The following B4GALNT3 variants were observed in gnomAD, a reference collection of about 807,000 sequenced individuals.
B4GALNT3 encodes the protein beta-1,4-N-acetylgalactosaminyltransferase 3.
B4GALNT3 carries 86 observed loss-of-function variants against 120.2 expected under a neutral mutation model. The observed-to-expected ratio is 0.72, with a 90% CI of 0.60 to 0.86. The LOEUF is 0.86. B4GALNT3 is among the 40% of genes least tolerant of loss of function. B4GALNT3 has a pLI of 0.00. For missense variants in B4GALNT3, 1,167 were observed against 1,298.9 expected, an observed-to-expected ratio of 0.90 and a Z score of 1.56; for synonymous variants, 518 against 510.4, an observed-to-expected ratio of 1.01 and a Z score of -0.20.
intron 3 of B4GALNT3, among the ~76,000 whole-genome samples, chr12:538,219 A>G (rs185366940): frequency 5.6e-4 from 86 of 152,328 alleles, no homozygotes; most frequent in South Asian, 8.3e-4. Context: ...GGCCATATGT[A>G]TAAACATATA....
intron 1 of B4GALNT3, among the ~76,000 whole-genome samples, chr12:503,864 C>T (rs149488502): frequency 1.3e-5 from 2 of 152,270 alleles, no homozygotes; most frequent in Non-Finnish European, 2.9e-5. Flanking sequence ...CCTGTAACCC[C>T]AGCATTTTGG....
intron 15 of B4GALNT3, among the ~76,000 whole-genome samples, chr12:557,150 A>C (rs1005009990): frequency 6.6e-6 from 1 of 152,140 alleles, no homozygotes; most frequent in Non-Finnish European, 1.5e-5. Context: ...ACTGGGGATG[A>C]TCATTGGTCT....
chr12:512,018 C>CGCCTTCCACCTTCTACCTTCT (rs1438861043), intron 1 of B4GALNT3, among the ~76,000 whole-genome samples: 1 of 140,272 alleles, frequency 7.1e-6, no homozygotes, highest in African/African-American at 2.9e-5. Context: ...TTCCACCTTC[C>CGCCTTCCACCTTCTACCTTCT]GCCTTCCACC....
intron 17 of B4GALNT3, 96 bp from the exon 18 acceptor site, chr12:558,412 C>T: frequency 8.3e-7 from 1 of 1,207,294 alleles, no homozygotes; most frequent in Non-Finnish European, 1.2e-6. Context: ...GTGAATCACT[C>T]CAATAGGGAA....
chr12:537,134 T>G (rs6489603), intron 3 of B4GALNT3, among the ~76,000 whole-genome samples: 2,627 of 152,316 alleles, frequency 0.017, 85 homozygotes, highest in African/African-American at 0.06. Flanking sequence ...ATGAAACTAG[T>G]GCTCGAGGAT....
intron 1 of B4GALNT3, among the ~76,000 whole-genome samples, chr12:531,488 T>A (rs978899851): frequency 4.0e-5 from 6 of 149,016 alleles, no homozygotes; most frequent in South Asian, 4.3e-4. Context: ...ATCTCTAAAA[T>A]TTTTTTTTTT....
Position 546,564 on chromosome 12 carries a change from C to G in B4GALNT3, c.640-82C>G. Reference sequence around the variant, plus strand: ...CCTTTTTCTCTCACTTCTTGGTTCTCCTTCCTGGTCTCGCACTCACCGCCT... The same window carrying G: ...CCTTTTTCTCTCACTTCTTGGTTCTGCTTCCTGGTCTCGCACTCACCGCCT... On this transcript the variant is annotated intron_variant, in intron 6 of 19. Transcript: ENST00000266383. The G allele has an allele frequency of 2.4e-6, 3 of 1,271,506 alleles. No homozygotes were observed. The South Asian group carries it at 3.8e-5, about 16-fold the overall frequency. 78.8% of individuals were successfully genotyped at this position (1,271,506 alleles called of 1,614,324 possible).
intron 3 of B4GALNT3, among the ~76,000 whole-genome samples, chr12:543,992 G>A (rs1444822335): frequency 7.3e-6 from 1 of 137,772 alleles, no homozygotes; most frequent in Admixed American, 7.3e-5. Context: ...TGAGGAGCTG[G>A]GGCGGGCATG....
At chr12:518,310 G>A (rs183905900) in intron 1 of B4GALNT3, among the ~76,000 whole-genome samples, 28 of 152,272 alleles carry the variant, frequency 1.8e-4, no homozygotes, top group Admixed American at 1.3e-3. Context: ...TGGTATCCAC[G>A]ACGGATTGAT....
chr12:486,581 C>A (rs1277563760), intron 1 of B4GALNT3, among the ~76,000 whole-genome samples: 2 of 152,156 alleles, frequency 1.3e-5, no homozygotes, highest in Non-Finnish European at 2.9e-5. Flanking sequence ...CCTAACCTAC[C>A]TAGGGGAGGG....
intron 1 of B4GALNT3, among the ~76,000 whole-genome samples, chr12:522,205 T>C (rs1376510077): frequency 6.6e-6 from 1 of 152,080 alleles, no homozygotes; most frequent in East Asian, 1.9e-4. Context: ...CTGAGAGATA[T>C]TTGCACACTC....
intron 1 of B4GALNT3, among the ~76,000 whole-genome samples, chr12:494,434 C>T (rs1946370831): frequency 6.6e-6 from 1 of 152,186 alleles, no homozygotes; most frequent in African/African-American, 2.4e-5. Flanking sequence ...CTAAATTCTG[C>T]TTAACCAGCT....
chr12:524,874 G>T (rs115915600), intron 1 of B4GALNT3, among the ~76,000 whole-genome samples: 1 of 152,104 alleles, frequency 6.6e-6, no homozygotes, highest in Non-Finnish European at 1.5e-5. Flanking sequence ...ACGCACATTC[G>T]TTAGCTGTTG....
intron 1 of B4GALNT3, among the ~76,000 whole-genome samples, chr12:465,288 A>ACTTT (rs1347214651): frequency 1.3e-5 from 2 of 152,124 alleles, no homozygotes; most frequent in East Asian, 3.9e-4. Context: ...CTTCTAATCA[A>ACTTT]CTTTCAATTC....
chr12:554,659 G>A (rs1055017500), intron 14 of B4GALNT3, among the ~76,000 whole-genome samples: 23 of 150,340 alleles, frequency 1.5e-4, no homozygotes, highest in Non-Finnish European at 2.4e-4. Flanking sequence ...GCATAGTGGC[G>A]GGCGCCTGTA....
At chr12:534,409 C>T (rs941468109) in intron 1 of B4GALNT3, among the ~76,000 whole-genome samples, 12 of 152,124 alleles carry the variant, frequency 7.9e-5, no homozygotes, top group African/African-American at 2.7e-4. Flanking sequence ...TCTCCCCGGC[C>T]CTCACCCTGG....
chr12:507,254 T>C (rs951816069), intron 1 of B4GALNT3, among the ~76,000 whole-genome samples: 6 of 152,220 alleles, frequency 3.9e-5, no homozygotes, highest in African/African-American at 1.4e-4. Context: ...TTTTGTGATA[T>C]ATATGGCAAC....
Position 548,907 on chromosome 12 carries a change from GCAAAA to G in B4GALNT3, c.853+619_853+623del, listed in dbSNP as rs67058437. Among the ~76,000 whole-genome samples the G allele has an allele frequency of 0.2, 31,099 of 151,884 alleles. 3,329 individuals carry two copies. The highest frequency in any genetic ancestry group is 0.24 in the Non-Finnish European group (16,142 of 67,916). Reference sequence around the variant, plus strand: ...AACAGAGCAAGACGCTGCCTCAAAAGCAAAACAAAACAACACAAAAAAACCCTCTG... The same window carrying G: ...AACAGAGCAAGACGCTGCCTCAAAAGCAAAACAACACAAAAAAACCCTCTG... On this transcript the variant is annotated intron_variant, in intron 9 of 19. Transcript: ENST00000266383. The surrounding 1 kb of genome is among the most constrained non-coding windows in gnomAD (Gnocchi z 4.9).
In B4GALNT3 at chr12:549,883, G is replaced by A. The variant is rs768914293; in HGVS notation, c.968G>A (p.Arg323Gln). The change falls in exon 10 of 20, where the codon CGG becomes CAG. Residue 323 changes from arginine (R) to glutamine (Q), a missense_variant. Around this residue, in one of 3 missense-constraint regions of B4GALNT3, gnomAD observed 983 missense variants for 1,102.5 expected, o/e 0.89. Transcript: ENST00000266383. ...RDEQPPADML[R>Q]PDPRDTLYRV... ...GAGCAGCCGCCCGCTGACATGCTTC[G>A]GCCTGACCCCCGGGACACCCTCTAT... The A allele has an allele frequency of 1.7e-5, 27 of 1,613,286 alleles. No homozygotes were observed. Among genetic ancestry groups the A allele is most frequent in the East Asian group, 2.2e-5 (1 of 44,890 alleles).
Sources: gnomAD v4.1 joint callset for allele counts (sites outside exome capture counted in the v4.1 genomes callset) on GRCh38, gnomAD v4.1.1 for gene constraint, gnomAD v4.1.1 regional missense constraint, Gnocchi (gnomAD v3.1) non-coding constraint, MANE v1.5 for transcripts, NCBI Gene and HGNC (gene_info 2026-07-23, HGNC 2026-07-21) for gene names.